Variants in SLC14A2 observed in about 807,000 individuals in gnomAD.
SLC14A2 encodes the protein urea transporter 2.
In SLC14A2, 91 loss-of-function variants were observed where a neutral mutation model predicts 104.6. That is an observed-to-expected ratio of 0.87 (90% CI 0.73 to 1.04). The LOEUF is 1.04. SLC14A2 is among the 50% of genes least tolerant of loss of function. The probability of loss-of-function intolerance (pLI) is 0.00; values close to 1 mark genes in which losing one functional copy is unlikely to be tolerated. For synonymous variants in SLC14A2, 476 were observed against 466.4 expected (o/e 1.02, Z -0.27); for missense variants, 1,189 against 1,156.0 (o/e 1.03, Z -0.41).
intron 1 of SLC14A2, among the ~76,000 whole-genome samples, chr18:45,226,075 A>C (rs958490632): frequency 1.3e-5 from 2 of 152,196 alleles, no homozygotes; most frequent in African/African-American, 4.8e-5. Context: ...AAAAATGCTC[A>C]TCATCACTGG....
chr18:45,303,849 A>G (rs1447238031), intron 1 of SLC14A2, among the ~76,000 whole-genome samples: 1 of 152,202 alleles, frequency 6.6e-6, no homozygotes, highest in Admixed American at 6.5e-5. Flanking sequence ...ATGGAACACT[A>G]ATATTAGAGT....
chr18:45,451,500 A>C (rs1371981299), intron 1 of SLC14A2, among the ~76,000 whole-genome samples: 1 of 152,176 alleles, frequency 6.6e-6, no homozygotes, highest in Admixed American at 6.5e-5. Flanking sequence ...AATTTGAAGA[A>C]TGGGTAGGAT....
At chr18:45,364,382 ACT>A (rs1457762773) in intron 1 of SLC14A2, among the ~76,000 whole-genome samples, 1 of 151,990 alleles carries the variant, frequency 6.6e-6, no homozygotes, top group South Asian at 2.1e-4. Context: ...AGGTGTGAAG[ACT>A]CTTTCTGATG....
Position 45,265,274 on chromosome 18 carries a change from C to T in SLC14A2, c.-125+52083C>T, listed in dbSNP as rs978189487. 2.6e-5 allele frequency among the ~76,000 whole-genome samples: 4 copies of T among 152,202 alleles called. No homozygotes were observed. In the South Asian group the frequency reaches 6.2e-4, roughly 24 times the overall value. Reference sequence around the variant, plus strand: ...GAATTAGACTTTTTCCTAACTAGCTCCAAAGAGCCAAACCAAGACCAACGG... The same window carrying T: ...GAATTAGACTTTTTCCTAACTAGCTTCAAAGAGCCAAACCAAGACCAACGG... On this transcript the variant is annotated intron_variant, in intron 1 of 20. Transcript: ENST00000586448.
chr18:45,517,566 C>T (rs529543457), intron 2 of SLC14A2, among the ~76,000 whole-genome samples: 12 of 152,356 alleles, frequency 7.9e-5, no homozygotes, highest in African/African-American at 2.9e-4. Context: ...ATTGCATCAA[C>T]ATTCATGCTG....
At chr18:45,396,111 A>C (rs2086027486) in intron 1 of SLC14A2, among the ~76,000 whole-genome samples, 1 of 152,164 alleles carries the variant, frequency 6.6e-6, no homozygotes, top group African/African-American at 2.4e-5. Flanking sequence ...ACTTCTAGCA[A>C]ATCAGTTTAT....
chr18:45,671,713 C>T (rs941097931), intron 16 of SLC14A2, among the ~76,000 whole-genome samples: 7 of 152,192 alleles, frequency 4.6e-5, no homozygotes, highest in African/African-American at 1.4e-4. Context: ...CTCACTGTGG[C>T]GTGAGGGCCC....
chr18:45,608,308 G>A (rs898924918), intron 2 of SLC14A2, among the ~76,000 whole-genome samples: 1 of 152,216 alleles, frequency 6.6e-6, no homozygotes, highest in African/African-American at 2.4e-5. Flanking sequence ...AAGATGGGAG[G>A]AGAGAGGTGA....
chr18:45,422,512 AGG>A (rs2086363637), intron 1 of SLC14A2, among the ~76,000 whole-genome samples: 1 of 152,130 alleles, frequency 6.6e-6, no homozygotes, highest in Non-Finnish European at 1.5e-5. Context: ...GTGAGGTGGA[AGG>A]GGAGGCGTGG....
intron 4 of SLC14A2, 40 bp downstream of exon 4, chr18:45,627,187 A>G (rs1368900912): frequency 6.4e-7 from 1 of 1,573,800 alleles, no homozygotes; most frequent in Non-Finnish European, 8.7e-7. Context: ...AGATGTGTGG[A>G]ACAGAAAGTA....
Position 45,673,687 on chromosome 18 carries a change from C to T in SLC14A2, c.2382C>T (p.Leu794=). 6.2e-7 allele frequency: 1 copy of T among 1,613,986 alleles called. No individual in the cohort carries two copies. Among genetic ancestry groups the T allele is most frequent in the South Asian group, 1.1e-5 (1 of 91,076 alleles). Residue 794 remains leucine (L), a synonymous_variant, in exon 18 of 20, where the codon CTC becomes CTT. Transcript: ENST00000255226. ...GATGCCTGCCTTCTGTCACAGCACT[C>T]ACTATTGCGACGCCCTTTGACTCCA... ...IGSTMGMLAA[L]TIATPFDSIY...
chr18:45,219,854 C>T (rs1420247362), intron 1 of SLC14A2, among the ~76,000 whole-genome samples: 1 of 152,052 alleles, frequency 6.6e-6, no homozygotes, highest in Admixed American at 6.6e-5. Flanking sequence ...AATGAGTGGG[C>T]AGTGATAGAA....
chr18:45,539,689 C>T (rs1481944714), intron 2 of SLC14A2, among the ~76,000 whole-genome samples: 1 of 152,144 alleles, frequency 6.6e-6, no homozygotes, highest in African/African-American at 2.4e-5. Flanking sequence ...ATTTCCAAAT[C>T]CATTACATTC....
chr18:45,194,667 A>T, the SLC14A2 span, among the ~76,000 whole-genome samples: 1 of 82,424 alleles, frequency 1.2e-5, no homozygotes, highest in Middle Eastern at 0.012. Context: ...TTTTTTTGAG[A>T]CGGTGTCTCA....
At chr18:45,193,792 A>G in the SLC14A2 span, among the ~76,000 whole-genome samples, 2 of 152,196 alleles carry the variant, frequency 1.3e-5, no homozygotes, top group Non-Finnish European at 2.9e-5. Flanking sequence ...GATTCTAGAG[A>G]GTAATCTGAG....
At chr18:45,534,441 G>C (rs752372765) in intron 2 of SLC14A2, among the ~76,000 whole-genome samples, 8 of 152,166 alleles carry the variant, frequency 5.3e-5, no homozygotes, top group Middle Eastern at 3.2e-3. Flanking sequence ...GCTAAAACCA[G>C]CTCAGTGGTT....
intron 2 of SLC14A2, among the ~76,000 whole-genome samples, chr18:45,597,452 C>T (rs1384752828): frequency 1.3e-5 from 2 of 152,190 alleles, no homozygotes; most frequent in Non-Finnish European, 2.9e-5. Context: ...TAGGGAAGGC[C>T]TCATCCCAGT....
chr18:45,216,779 T>A (rs1488724132), intron 1 of SLC14A2, among the ~76,000 whole-genome samples: 1 of 152,142 alleles, frequency 6.6e-6, no homozygotes, highest in Non-Finnish European at 1.5e-5. Flanking sequence ...GATGTTTCGG[T>A]CAACTTATTT....
chr18:45,321,570 A>G (rs912808762), intron 1 of SLC14A2, among the ~76,000 whole-genome samples: 1 of 152,320 alleles, frequency 6.6e-6, no homozygotes, highest in East Asian at 1.9e-4. Context: ...TGAGGGAAGA[A>G]AGCGGATCTG....
Sources: allele counts gnomAD v4.1 joint callset (sites outside exome capture counted in the v4.1 genomes callset), GRCh38; gene constraint gnomAD v4.1.1; transcripts MANE v1.5; gene names NCBI Gene and HGNC (gene_info 2026-07-23, HGNC 2026-07-21).